The following PXDNL variants were observed in gnomAD, a reference collection of about 807,000 sequenced individuals.
PXDNL encodes peroxidasin like.
A neutral mutation model predicts 150.8 loss-of-function variants in PXDNL; 145 were observed. That is an observed-to-expected ratio of 0.96 (90% CI 0.84 to 1.10). The LOEUF (loss-of-function observed/expected upper bound fraction) is 1.10. Ranked by LOEUF, PXDNL falls within the 50% of genes least tolerant of loss-of-function variation. PXDNL has a pLI of 0.00. For synonymous variants in PXDNL, 757 were observed against 725.7 expected (o/e 1.04, Z -0.69); for missense variants, 2,087 against 1,873.9 (o/e 1.11, Z -2.10).
At chr8:51,782,213 G>C (rs2037422175) in intron 1 of PXDNL, among the ~76,000 whole-genome samples, 1 of 152,136 alleles carries the variant, frequency 6.6e-6, no homozygotes, top group South Asian at 2.1e-4. Context: ...AGCAAATAGA[G>C]CAGTGTTGCC....
chr8:51,654,607 A>T (rs1024947394), intron 2 of PXDNL, 82 bp downstream of exon 2: 7 of 1,032,752 alleles, frequency 6.8e-6, no homozygotes, highest in Middle Eastern at 2.0e-4. Context: ...TGTTCTTGAC[A>T]CTCAGAATGA....
chr8:51,548,364 AG>A (rs1812408424), intron 4 of PXDNL, among the ~76,000 whole-genome samples: 1 of 152,216 alleles, frequency 6.6e-6, no homozygotes, highest in South Asian at 2.1e-4. Flanking sequence ...TAACACAAAA[AG>A]ATCATCACCT....
chr8:51,552,303 A>G (rs1354587830), intron 4 of PXDNL, among the ~76,000 whole-genome samples: 1 of 151,694 alleles, frequency 6.6e-6, no homozygotes. Flanking sequence ...TAGAACTACC[A>G]TTTGATCCAG....
At chr8:51,514,612 A>T in intron 4 of PXDNL, among the ~76,000 whole-genome samples, 1 of 152,224 alleles carries the variant, frequency 6.6e-6, no homozygotes. Flanking sequence ...CTGACAAAGG[A>T]AGGCAGAATA....
intron 19 of PXDNL, among the ~76,000 whole-genome samples, chr8:51,366,446 C>T (rs1465090382): frequency 6.6e-6 from 1 of 151,846 alleles, no homozygotes; most frequent in Non-Finnish European, 1.5e-5. Flanking sequence ...TCTGAGCCTG[C>T]TCTGGCTCAG....
chr8:51,692,205 C>A (rs552329552), intron 1 of PXDNL, among the ~76,000 whole-genome samples: 2 of 152,298 alleles, frequency 1.3e-5, no homozygotes, highest in South Asian at 2.1e-4. Flanking sequence ...CTACAAGGAT[C>A]TGACTGATGA....
chr8:51,364,677 A>T (rs1806860886), intron 19 of PXDNL, among the ~76,000 whole-genome samples: 1 of 152,218 alleles, frequency 6.6e-6, no homozygotes, highest in Non-Finnish European at 1.5e-5. Flanking sequence ...TTCATGGTAC[A>T]TTTGTTGTCT....
rs763172161 is a variant in PXDNL at position 51,744,119 on chromosome 8, A to AAAGAAAGAAAGGAAGG, written c.164+65061_164+65062insCCTTCCTTTCTTTCTT. On this transcript the variant is annotated intron_variant, in intron 1 of 22. Coordinates refer to ENST00000356297, the MANE Select transcript of PXDNL (RefSeq NM_144651.5). Reference sequence around the variant, plus strand: ...GAAAGAAAGAAAGAAAGAAAGAAAGAAAGGAAGAAAGAGAAAGGAAGGAAG... The same window carrying AAAGAAAGAAAGGAAGG: ...GAAAGAAAGAAAGAAAGAAAGAAAGAAAGAAAGAAAGGAAGGAAGGAAGAAAGAGAAAGGAAGGAAG... 8.6e-4 allele frequency among the ~76,000 whole-genome samples: 31 copies of AAAGAAAGAAAGGAAGG among 36,044 alleles called. 3 individuals are homozygous for AAAGAAAGAAAGGAAGG. Among genetic ancestry groups the AAAGAAAGAAAGGAAGG allele is most frequent in the South Asian group, 6.3e-3 (4 of 640 alleles). 23.6% of individuals were successfully genotyped at this position (36,044 alleles called of 152,430 possible).
At chr8:51,363,837 C>T (rs1303818430) in intron 19 of PXDNL, among the ~76,000 whole-genome samples, 1 of 152,128 alleles carries the variant, frequency 6.6e-6, no homozygotes, top group Non-Finnish European at 1.5e-5. Context: ...TGCACAAGGG[C>T]TGATGTTATA....
In PXDNL at chr8:51,657,924, G is replaced by C. The variant is rs560208256; in HGVS notation, c.165-3164C>G. 2.8e-4 allele frequency among the ~76,000 whole-genome samples: 43 copies of C among 152,230 alleles called. 1 individual carries two copies. In the South Asian group the frequency reaches 8.7e-3, roughly 31 times the overall value. ...TAAAGACAGTCTTGCTTGTAAGCTG[G>C]TGCCATAGAAAGGTCTCCAGGGTAC... On this transcript the variant is annotated intron_variant, in intron 1 of 22. Coordinates refer to ENST00000356297, the MANE Select transcript of PXDNL (RefSeq NM_144651.5).
chr8:51,440,516 A>G (rs981374508), intron 12 of PXDNL, among the ~76,000 whole-genome samples: 2 of 152,196 alleles, frequency 1.3e-5, no homozygotes, highest in Non-Finnish European at 2.9e-5. Flanking sequence ...AAACATCATG[A>G]ATGAGTCCAC....
chr8:51,691,335 T>G (rs1016783044), intron 1 of PXDNL, among the ~76,000 whole-genome samples: 16 of 152,204 alleles, frequency 1.1e-4, no homozygotes, highest in Admixed American at 4.6e-4. Flanking sequence ...CCATCTTGAA[T>G]TAATTTTTGT....
At chr8:51,542,911 G>A (rs1456499850) in intron 4 of PXDNL, among the ~76,000 whole-genome samples, 3 of 151,940 alleles carry the variant, frequency 2.0e-5, no homozygotes, top group African/African-American at 7.3e-5. Flanking sequence ...TTATATCACT[G>A]GCTAAAGTTA....
At chr8:51,321,621 A>G (rs1271481508) in intron 21 of PXDNL, among the ~76,000 whole-genome samples, 1 of 151,266 alleles carries the variant, frequency 6.6e-6, no homozygotes, top group Non-Finnish European at 1.5e-5. Flanking sequence ...TTCCTCCCCC[A>G]TTTGCTCTCT....
At chr8:51,760,997 G>A (rs1439543466) in intron 1 of PXDNL, among the ~76,000 whole-genome samples, 2 of 147,132 alleles carry the variant, frequency 1.4e-5, no homozygotes, top group African/African-American at 2.5e-5. Flanking sequence ...TAGCTGGTTC[G>A]ACAGGCGCCC....
At chr8:51,733,696 T>G (rs1470630649) in intron 1 of PXDNL, among the ~76,000 whole-genome samples, 1 of 151,624 alleles carries the variant, frequency 6.6e-6, no homozygotes, top group African/African-American at 2.4e-5. Flanking sequence ...TAGTCCCAGC[T>G]GCTCAGGTGG....
chr8:51,643,113 C>A (rs1403018742), intron 2 of PXDNL, among the ~76,000 whole-genome samples: 1 of 152,144 alleles, frequency 6.6e-6, no homozygotes, highest in East Asian at 1.9e-4. Context: ...AATGGCCATA[C>A]TGCCCAAGGT....
intron 1 of PXDNL, among the ~76,000 whole-genome samples, chr8:51,664,993 G>A (rs1348247035): frequency 6.6e-6 from 1 of 152,146 alleles, no homozygotes; most frequent in African/African-American, 2.4e-5. Flanking sequence ...CACATCTCCT[G>A]GGAGCACCCG....
intron 4 of PXDNL, among the ~76,000 whole-genome samples, chr8:51,501,352 A>G (rs1382792026): frequency 1.3e-5 from 2 of 151,966 alleles, no homozygotes; most frequent in African/African-American, 4.8e-5. Flanking sequence ...ACACACTCTC[A>G]CATTGTCTCA....
Sources: allele counts gnomAD v4.1 joint callset (sites outside exome capture counted in the v4.1 genomes callset), GRCh38; gene constraint gnomAD v4.1.1; transcripts MANE v1.5; gene names NCBI Gene and HGNC (gene_info 2026-07-23, HGNC 2026-07-21).